Variants in MMP28 observed in about 807,000 individuals in gnomAD.
The protein encoded by MMP28 is matrix metalloproteinase-28.
A neutral mutation model predicts 60.5 loss-of-function variants in MMP28; 55 were observed. That is an observed-to-expected ratio of 0.91 (90% CI 0.73 to 1.14). MMP28 has a LOEUF of 1.14. Among genes scored for constraint, MMP28 ranks in the 50% most tolerant of loss-of-function variants. MMP28 has a pLI of 0.00. For missense variants in MMP28, 686 were observed against 738.3 expected (o/e 0.93, Z 0.82); for synonymous variants, 318 against 312.5 (o/e 1.02, Z -0.18).
intron 2 of MMP28, 63 bp from the exon 3 acceptor site, chr17:35,779,138 C>A (rs755751020): frequency 6.3e-6 from 10 of 1,580,376 alleles, no homozygotes; most frequent in South Asian, 1.1e-5. Context: ...GGGAAGTCTG[C>A]CTCCCTGGGG....
chr17:35,789,119 T>C lies in MMP28; in HGVS notation c.111+6148A>G, dbSNP rs572224966. On this transcript the variant is annotated intron_variant, in intron 1 of 7. Transcript: ENST00000605424. ...CTGGAAAGGCCTCAACTTTGTTACATTGTGTGCACAGAGGGGACACAGAGC... is the reference window on the plus strand; with the variant it reads ...CTGGAAAGGCCTCAACTTTGTTACACTGTGTGCACAGAGGGGACACAGAGC... 2.0e-5 allele frequency among the ~76,000 whole-genome samples: 3 copies of C among 152,260 alleles called. No homozygotes were observed. In the South Asian group the frequency reaches 6.2e-4, roughly 32 times the overall value.
chr17:35,771,937 C>T (rs559307844), intron 4 of MMP28, among the ~76,000 whole-genome samples: 160 of 151,180 alleles, frequency 1.1e-3, no homozygotes, highest in Non-Finnish European at 1.2e-3. Flanking sequence ...CCTTCCACAG[C>T]GGCAGGTGAC....
chr17:35,764,491 G>A, downstream of MMP28: 2 of 1,578,904 alleles, frequency 1.3e-6, no homozygotes, highest in Admixed American at 1.8e-5. Flanking sequence ...CGCCGCGGGG[G>A]CTGTGCTTGC....
At chr17:35,773,998 C>A (rs1326417137) in intron 3 of MMP28, among the ~76,000 whole-genome samples, 1 of 152,236 alleles carries the variant, frequency 6.6e-6, no homozygotes, top group African/African-American at 2.4e-5. Flanking sequence ...ATTTGAGTTT[C>A]TTTCCTGCCC....
intron 5 of MMP28, among the ~76,000 whole-genome samples, chr17:35,769,744 T>C (rs1056028888): frequency 2.7e-5 from 3 of 109,196 alleles, no homozygotes; most frequent in Admixed American, 1.1e-4. Flanking sequence ...GGCGGGCACA[T>C]GGTGTGAGCG....
chr17:35,779,599 C>G (rs780739806), intron 1 of MMP28, among the ~76,000 whole-genome samples: 2 of 152,158 alleles, frequency 1.3e-5, no homozygotes, highest in Non-Finnish European at 2.9e-5. Context: ...AGTACCTACC[C>G]ATATCTTACG....
chr17:35,764,806 T>C, downstream of MMP28: 1 of 605,370 alleles, frequency 1.7e-6, no homozygotes, highest in South Asian at 2.5e-5. Context: ...ATCTGTCACC[T>C]AGCGCCCCCA....
At chr17:35,760,329 C>T (rs1289256844) in intron 2 of MMP28, among the ~76,000 whole-genome samples, 2 of 152,196 alleles carry the variant, frequency 1.3e-5, no homozygotes, top group African/African-American at 4.8e-5. Context: ...ACCCCTGCCC[C>T]CCAACAAATA....
At chr17:35,761,551 T>G (rs2085821287), downstream of MMP28, among the ~76,000 whole-genome samples, 1 of 152,092 alleles carries the variant, frequency 6.6e-6, no homozygotes, top group Admixed American at 6.6e-5. Context: ...AGTGCTGGGA[T>G]TACAGGTGTG....
At chr17:35,788,362 A>G (rs949138713) in intron 1 of MMP28, among the ~76,000 whole-genome samples, 18 of 152,184 alleles carry the variant, frequency 1.2e-4, no homozygotes, top group African/African-American at 2.4e-5. Context: ...TTAGGGCACA[A>G]AATAATGCCT....
intron 1 of MMP28, among the ~76,000 whole-genome samples, chr17:35,792,276 T>C (rs895585768): frequency 6.6e-6 from 1 of 151,994 alleles, no homozygotes; most frequent in Non-Finnish European, 1.5e-5. Context: ...TAGTAGGTCA[T>C]AAAAAGGATA....
rs766498522 is a variant in MMP28, at chr17:35,773,318, G to C, written c.466C>G (p.Arg156Gly). Residue 156 changes from arginine (R) to glycine (G), a missense_variant, in exon 4 of 8, where the codon CGC (arginine) becomes GGC (glycine). Transcript: ENST00000605424. ...TTGCTCCACAACTGGAAGGCGGCGC[G>C]CACGGCGCCCCGAACTGCCGGCTCC... Reference protein sequence around the residue: ...LPEPAVRGAVRAAFQLWSNVS... With the variant: ...LPEPAVRGAVGAAFQLWSNVS... 2 of 1,613,156 alleles carry C rather than the reference G, an allele frequency of 1.2e-6. No individual in the cohort carries two copies. The highest frequency in any genetic ancestry group is 1.7e-6 in the Non-Finnish European group (2 of 1,179,676).
chr17:35,765,798 C>A (rs905250948), downstream of MMP28: 4 of 956,096 alleles, frequency 4.2e-6, no homozygotes, highest in East Asian at 2.3e-4. Flanking sequence ...TGGCCCTGGC[C>A]TCCCCTGCAC....
intron 2 of MMP28, among the ~76,000 whole-genome samples, chr17:35,756,970 G>T (rs1303680936): frequency 6.6e-6 from 1 of 151,754 alleles, no homozygotes; most frequent in Non-Finnish European, 1.5e-5. Flanking sequence ...AGCCAAGGCG[G>T]GCAGATCACT....
downstream of MMP28, among the ~76,000 whole-genome samples, chr17:35,763,159 G>T (rs2085858198): frequency 6.6e-6 from 1 of 152,060 alleles, no homozygotes; most frequent in Admixed American, 6.6e-5. Context: ...TAAGCCAGGG[G>T]AGGCGGCTCG....
chr17:35,772,470 T>A (rs948211264), intron 4 of MMP28, among the ~76,000 whole-genome samples: 1 of 152,152 alleles, frequency 6.6e-6, no homozygotes, highest in African/African-American at 2.4e-5. Flanking sequence ...TTGCTGTAGG[T>A]GGGCTTGACT....
At chr17:35,794,692 C>G (rs751901228) in intron 1 of MMP28, among the ~76,000 whole-genome samples, 2 of 152,182 alleles carry the variant, frequency 1.3e-5, no homozygotes. Context: ...CTTCCTGCCC[C>G]CTTAAGTTCA....
In MMP28 at chr17:35,770,190, C is replaced by G. The variant is rs1555604979; in HGVS notation, c.727G>C (p.Gly243Arg). 10 of 1,604,496 alleles carry G rather than the reference C, an allele frequency of 6.2e-6. No individual in the cohort carries two copies. Among genetic ancestry groups the G allele is most frequent in the Non-Finnish European group, 8.5e-6 (10 of 1,178,160 alleles). ...NLFVVLAHEIGHTLGLTHSPA... is the reference protein window; with the variant it reads ...NLFVVLAHEIRHTLGLTHSPA... ...GAGTGGGTGAGGCCAAGCGTGTGAC[C>G]GATCTCGTGCGCCAGCACCACGAAC... The change falls in exon 5 of 8, where the codon GGT becomes CGT. Residue 243 changes from glycine (G) to arginine (R), a missense_variant. By Grantham distance (125) the Gly-to-Arg change is moderately radical. Coordinates refer to ENST00000605424, the MANE Select transcript of MMP28 (RefSeq NM_024302.5).
chr17:35,773,041 G>T, intron 4 of MMP28, 139 bp downstream of exon 4: 1 of 693,888 alleles, frequency 1.4e-6, no homozygotes, highest in Non-Finnish European at 2.4e-6. Flanking sequence ...TTTAGGATGA[G>T]GAGACTGAGG....
Sources: gnomAD v4.1 joint callset for allele counts (sites outside exome capture counted in the v4.1 genomes callset) on GRCh38, gnomAD v4.1.1 for gene constraint, MANE v1.5 for transcripts, NCBI Gene and HGNC (gene_info 2026-07-23, HGNC 2026-07-21) for gene names.